Variants in ZBTB45 observed in about 807,000 individuals in gnomAD.
ZBTB45 encodes zinc finger and BTB domain-containing protein 45.
Under a neutral mutation model 28.4 loss-of-function variants are expected in ZBTB45, and 22 were observed. The observed-to-expected ratio is 0.77, with a 90% CI of 0.55 to 1.10. The LOEUF (loss-of-function observed/expected upper bound fraction) is 1.10. Ranked by LOEUF, ZBTB45 falls within the 50% of genes least tolerant of loss-of-function variation. ZBTB45 has a pLI of 0.00. For synonymous variants in ZBTB45, 361 were observed against 332.3 expected (o/e 1.09, Z -0.94); for missense variants, 656 against 750.2 (o/e 0.87, Z 1.47).
chr19:58,524,167 G>C (rs962379567), upstream of ZBTB45, among the ~76,000 whole-genome samples: 1 of 149,400 alleles, frequency 6.7e-6, no homozygotes, highest in Non-Finnish European at 1.5e-5. Flanking sequence ...AGGAGTTCCA[G>C]CCTAGCCAAC....
chr19:58,536,208 G>A (rs1280192276), intron 1 of ZBTB45, among the ~76,000 whole-genome samples: 1 of 152,112 alleles, frequency 6.6e-6, no homozygotes, highest in Non-Finnish European at 1.5e-5. Context: ...GTGCACGCCT[G>A]TAATCCCAGC....
Position 58,516,926 on chromosome 19 carries a change from C to G in ZBTB45, c.748G>C (p.Asp250His). The change falls in exon 2 of 3, where the codon GAC (aspartate) becomes CAC (histidine). Residue 250 changes from aspartate to histidine, a missense_variant. By Grantham distance (81) the Asp-to-His change is moderately conservative. Coordinates refer to ENST00000594051, the MANE Select transcript of ZBTB45 (RefSeq NM_001316979.2). The surrounding 1 kb of genome is among the most constrained non-coding windows in gnomAD (Gnocchi z 6.2). ...GCAGGGGGCTCCTCGCACGCGCTGT[C>G]AGCAGCAGCAGTGAGGAAGCCAGCA... Reference protein sequence around the residue: ...CAAGFLTAAADSACEEPPAPT... With the variant: ...CAAGFLTAAAHSACEEPPAPT... The G allele has an allele frequency of 1.2e-6, 2 of 1,613,130 alleles. No homozygotes were observed. Among genetic ancestry groups the G allele is most frequent in the Non-Finnish European group, 1.7e-6 (2 of 1,179,898 alleles).
intron 1 of ZBTB45, among the ~76,000 whole-genome samples, chr19:58,532,262 T>C (rs1024747553): frequency 6.6e-6 from 1 of 152,180 alleles, no homozygotes; most frequent in African/African-American, 2.4e-5. Flanking sequence ...CTGGAAGTGT[T>C]ACCTTATTAG....
upstream of ZBTB45, among the ~76,000 whole-genome samples, chr19:58,522,978 A>G (rs1393658262): frequency 6.6e-6 from 1 of 152,148 alleles, no homozygotes; most frequent in African/African-American, 2.4e-5. Context: ...CTAGCAGGAA[A>G]CAATAGCTGC....
upstream of ZBTB45, among the ~76,000 whole-genome samples, chr19:58,521,974 T>C (rs11666790): frequency 0.31 from 46,710 of 151,790 alleles, 8,584 homozygotes; most frequent in Middle Eastern, 0.49. Flanking sequence ...GTTGTAGATG[T>C]GGTATTTGGA....
At chr19:58,529,807 T>C (rs1433815121) in intron 1 of ZBTB45, among the ~76,000 whole-genome samples, 1 of 151,946 alleles carries the variant, frequency 6.6e-6, no homozygotes, top group Non-Finnish European at 1.5e-5. Flanking sequence ...AACCATACAA[T>C]ATGTGAGTTT....
intron 1 of ZBTB45, among the ~76,000 whole-genome samples, chr19:58,527,050 G>T (rs1263250600): frequency 6.6e-6 from 1 of 152,174 alleles, no homozygotes; most frequent in African/African-American, 2.4e-5. Context: ...ACCCCCTATT[G>T]TGGGACACCT....
chr19:58,530,825 A>G (rs1196804133), intron 1 of ZBTB45, among the ~76,000 whole-genome samples: 1 of 151,980 alleles, frequency 6.6e-6, no homozygotes, highest in African/African-American at 2.4e-5. Flanking sequence ...CTGGGACTAC[A>G]GGCGCCCGCC....
At chr19:58,518,069 C>G (rs1482974098) in intron 1 of ZBTB45, among the ~76,000 whole-genome samples, 1 of 146,842 alleles carries the variant, frequency 6.8e-6, no homozygotes, top group Non-Finnish European at 1.5e-5. Context: ...AAGAGGGCAG[C>G]CCGGTGTGTA....
At chr19:58,531,110 A>C (rs756644053) in intron 1 of ZBTB45, among the ~76,000 whole-genome samples, 6 of 152,202 alleles carry the variant, frequency 3.9e-5, no homozygotes, top group South Asian at 2.1e-4. Context: ...CCCACAGCAA[A>C]GTATGAAGGT....
In ZBTB45 at chr19:58,535,459, A is replaced by G. The variant is rs138832689; in HGVS notation, c.-1+3242T>C. 2.1e-3 allele frequency among the ~76,000 whole-genome samples: 314 copies of G among 150,936 alleles called. 1 individual carries two copies. Among genetic ancestry groups the G allele is most frequent in the African/African-American group, 7.1e-3 (294 of 41,146 alleles). On this transcript the variant is annotated intron_variant, in intron 1 of 1. Transcript: ENST00000600130. ...AGACCAGCCTGGCCAACATGGTGAA[A>G]CCTCGTCTCTACTAAAAATACAAAA...
At chr19:58,526,243 CTTG>C (rs757722159) in intron 1 of ZBTB45, among the ~76,000 whole-genome samples, 5 of 152,052 alleles carry the variant, frequency 3.3e-5, no homozygotes, top group Non-Finnish European at 7.4e-5. Context: ...CAGTTTGGCT[CTTG>C]TTGTCCAGGC....
Position 58,513,857 on chromosome 19 carries a change from T to G in ZBTB45, c.*197A>C. 1 of 617,246 alleles carries G rather than the reference T, an allele frequency of 1.6e-6. No individual in the cohort carries two copies. Among genetic ancestry groups the G allele is most frequent in the South Asian group, 4.3e-5 (1 of 23,128 alleles). 38.2% of individuals were successfully genotyped at this position (617,246 alleles called of 1,614,324 possible). ...GCCCCAGCCCCAGCCCGGCACCACC[T>G]GGAGGGTTCAAGTACATGGAGGAGA... On this transcript the variant is annotated 3_prime_UTR_variant, in exon 3 of 3. Coordinates refer to ENST00000594051, the MANE Select transcript of ZBTB45 (RefSeq NM_001316979.2).
chr19:58,524,719 T>TAA (rs1216624345), upstream of ZBTB45, among the ~76,000 whole-genome samples: 3 of 151,560 alleles, frequency 2.0e-5, no homozygotes, highest in Non-Finnish European at 4.4e-5. Context: ...CCATCTCTAC[T>TAA]AAAAATACAA....
chr19:58,517,522 AGCACGCAGCGGTGG>A lies in ZBTB45; in HGVS notation c.138_151del (p.His47GlyfsTer17). On this transcript the variant is annotated frameshift_variant, in exon 2 of 3. Transcript: ENST00000594051. LOFTEE classifies it high-confidence loss of function. ...TTGGAAGAAGGGTGAGCCGGCCGCC[AGCACGCAGCGGTGG>A]GCACGCAGCGAAGCTTCACGAATGC... 2 of 1,613,516 alleles carry A rather than the reference AGCACGCAGCGGTGG, an allele frequency of 1.2e-6. No homozygotes were observed. Among genetic ancestry groups the A allele is most frequent in the Non-Finnish European group, 1.7e-6 (2 of 1,179,980 alleles).
rs2053449523 is a variant in ZBTB45 at position 58,513,926 on chromosome 19, G to C, written c.*128C>G. 1 of 1,153,920 alleles carries C rather than the reference G, an allele frequency of 8.7e-7. No individual in the cohort carries two copies. Among genetic ancestry groups the C allele is most frequent in the South Asian group, 2.1e-5 (1 of 47,648 alleles). The allele number at this position is 1,153,920 out of a possible 1,614,324, so 71.5% of individuals were successfully genotyped here. A position where few individuals can be genotyped will look rare whatever the true frequency, so the allele number is the denominator to read the frequency against. On this transcript the variant is annotated 3_prime_UTR_variant, in exon 3 of 3. Transcript: ENST00000594051. Reference sequence around the variant, plus strand: ...GCCCTGGTATGGAGAAAGGGTGAAGGGAGAGAGAGGACCTGCGCTCAGGAG... The same window carrying C: ...GCCCTGGTATGGAGAAAGGGTGAAGCGAGAGAGAGGACCTGCGCTCAGGAG...
chr19:58,517,629 G>C lies in ZBTB45; in HGVS notation c.45C>G (p.Phe15Leu). 1 of 1,613,934 alleles carries C rather than the reference G, an allele frequency of 6.2e-7. No individual in the cohort carries two copies. Among genetic ancestry groups the C allele is most frequent in the Non-Finnish European group, 8.5e-7 (1 of 1,179,980 alleles). The change falls in exon 2 of 3, where the codon TTC becomes TTG. Residue 15 changes from phenylalanine (F) to leucine (L), a missense_variant. Around this residue, in one of 3 missense-constraint regions of ZBTB45, gnomAD observed 105 missense variants for 152.4 expected, o/e 0.69. Coordinates refer to ENST00000594051, the MANE Select transcript of ZBTB45 (RefSeq NM_001316979.2). ...EAVHHIHLQN[F>L]SRSLLETLNG... ...TGAGGGTCTCAAGCAGAGAGCGTGA[G>C]AAGTTCTGCAGGTGTATGTGATGCA...
At position 58,514,271 on chromosome 19, in the gene ZBTB45, AAGGATCGCCAGCAC is replaced by A; in HGVS notation, c.1305_1318del (p.Cys436LeufsTer103). The stretch of plus-strand genomic sequence containing the variant: ...TTTGAGCAGGTAGTCGCGTAGAGAG[AAGGATCGCCAGCAC>A]ACGGCGCACTGGTGCGGCTTCTCCC... On this transcript the variant is annotated frameshift_variant, in exon 3 of 3. Transcript: ENST00000594051. LOFTEE classifies it high-confidence loss of function. The A allele has an allele frequency of 6.2e-7, 1 of 1,609,756 alleles. No individual in the cohort carries two copies. The highest frequency in any genetic ancestry group is 8.5e-7 in the Non-Finnish European group (1 of 1,177,718).
chr19:58,517,554 A>G lies in ZBTB45; in HGVS notation c.120T>C (p.Arg40=). Residue 40 remains arginine, a synonymous_variant, in exon 2 of 3, where the codon CGT becomes CGC. Transcript: ENST00000594051. ...AGCGGTGGGCACGCAGCGAAGCTTC[A>G]CGAATGCGCACAGTCACGTCACAGA... The part of the protein sequence containing the change: ...GHFCDVTVRI[R]EASLRAHRCV... The G allele has an allele frequency of 6.2e-7, 1 of 1,613,764 alleles. No homozygotes were observed. The highest frequency in any genetic ancestry group is 8.5e-7 in the Non-Finnish European group (1 of 1,179,984).
Sources: allele counts gnomAD v4.1 joint callset (sites outside exome capture counted in the v4.1 genomes callset), GRCh38; gene constraint gnomAD v4.1.1; regional missense constraint gnomAD v4.1.1; non-coding constraint Gnocchi (gnomAD v3.1); transcripts MANE v1.5; gene names NCBI Gene and HGNC (gene_info 2026-07-23, HGNC 2026-07-21).